RIMS2: variants seen among roughly 807,000 people sequenced by gnomAD.
RIMS2 encodes the protein regulating synaptic membrane exocytosis protein 2.
In RIMS2, 59 loss-of-function variants were observed where a neutral mutation model predicts 174.4. The observed-to-expected ratio is 0.34, with a 90% CI of 0.27 to 0.42. The LOEUF (loss-of-function observed/expected upper bound fraction) is 0.42, where lower values mean the gene tolerates loss of function less well. Ranked by LOEUF, RIMS2 falls within the 10% of genes least tolerant of loss-of-function variation. The pLI is 1.00. For missense variants in RIMS2, 1,620 were observed against 1,666.3 expected (o/e 0.97, Z 0.48); for synonymous variants, 606 against 572.5 (o/e 1.06, Z -0.84).
At chr8:103,708,104 G>A (rs1159636619) in intron 2 of RIMS2, among the ~76,000 whole-genome samples, 2 of 152,246 alleles carry the variant, frequency 1.3e-5, no homozygotes, top group Non-Finnish European at 2.9e-5. Context: ...ATGCTGGGTT[G>A]CACTTGGAGT....
At chr8:104,097,838 TGCCATTACTTTTAATG>T (rs1277766259) in intron 19 of RIMS2, among the ~76,000 whole-genome samples, 4 of 152,322 alleles carry the variant, frequency 2.6e-5, no homozygotes, top group African/African-American at 9.6e-5. Context: ...TTGCGGCTTT[TGCCATTACTTTTAATG>T]GCCATTACTT....
intron 1 of RIMS2, among the ~76,000 whole-genome samples, chr8:103,553,781 A>G (rs968090199): frequency 1.3e-5 from 2 of 152,168 alleles, no homozygotes; most frequent in African/African-American, 4.8e-5. Flanking sequence ...TGAAGGCATC[A>G]TGCTACCTGA....
intron 3 of RIMS2, among the ~76,000 whole-genome samples, chr8:103,875,550 G>T (rs868191318): frequency 1.3e-5 from 2 of 151,910 alleles, no homozygotes; most frequent in Non-Finnish European, 2.9e-5. Context: ...CTTTGCCATC[G>T]TAAATTGTAC....
At chr8:103,718,921 A>AT (rs1457627900) in intron 2 of RIMS2, among the ~76,000 whole-genome samples, 6 of 152,130 alleles carry the variant, frequency 3.9e-5, no homozygotes, top group African/African-American at 1.4e-4. Context: ...AAGTGCTGGG[A>AT]TTACAGGCAT....
At chr8:103,769,032 T>C (rs1406369208) in intron 3 of RIMS2, 6 of 307,786 alleles carry the variant, frequency 1.9e-5, no homozygotes. Context: ...AGAAATAAGA[T>C]TTTTTGAATA....
chr8:103,698,074 G>T (rs1045181117), intron 2 of RIMS2, among the ~76,000 whole-genome samples: 10 of 152,134 alleles, frequency 6.6e-5, no homozygotes, highest in Admixed American at 6.5e-4. Flanking sequence ...TAAATAGGAA[G>T]CTATTTTTTT....
chr8:103,771,439 G>C (rs1489231277), intron 3 of RIMS2, among the ~76,000 whole-genome samples: 1 of 152,106 alleles, frequency 6.6e-6, no homozygotes, highest in Non-Finnish European at 1.5e-5. Context: ...ATGTAGGAAA[G>C]TTTATTTGCA....
chr8:103,912,144 G>A, exon 6 of RIMS2: 3 of 1,606,936 alleles, frequency 1.9e-6, no homozygotes, highest in East Asian at 2.2e-5. Context: ...AGTGTACCTC[G>A]AGATTCAGGA....
chr8:103,923,431 T>A (rs552802420), intron 10 of RIMS2, among the ~76,000 whole-genome samples: 1 of 152,020 alleles, frequency 6.6e-6, no homozygotes, highest in African/African-American at 2.4e-5. Flanking sequence ...GAGGGGAGGA[T>A]GAGAAGCATA....
chr8:103,512,959 G>A (rs1827267071), intron 1 of RIMS2, among the ~76,000 whole-genome samples: 1 of 152,052 alleles, frequency 6.6e-6, no homozygotes, highest in Admixed American at 6.6e-5. Context: ...TTTTTTTGAA[G>A]GTTAGGTACA....
intron 17 of RIMS2, among the ~76,000 whole-genome samples, chr8:104,002,395 C>A (rs2095424064): frequency 6.6e-6 from 1 of 152,070 alleles, no homozygotes. Context: ...AAGTTCAAAC[C>A]TGGATTACTC....
intron 19 of RIMS2, among the ~76,000 whole-genome samples, chr8:104,231,478 G>GTA (rs1316731190): frequency 2.0e-5 from 3 of 151,730 alleles, no homozygotes; most frequent in Non-Finnish European, 4.4e-5. Flanking sequence ...CTTTACCACT[G>GTA]TATATATATC....
At position 103,742,132 on chromosome 8, in the gene RIMS2, G is replaced by A. The variant is rs913781976; in HGVS notation, c.388-24095G>A. Among the ~76,000 whole-genome samples, 5 of 152,050 alleles carry A rather than the reference G, an allele frequency of 3.3e-5. 1 individual carries two copies. Among genetic ancestry groups the A allele is most frequent in the Admixed American group, 2.6e-4 (4 of 15,260 alleles). On this transcript the variant is annotated intron_variant, in intron 2 of 23. Transcript: ENST00000504942. ...CTTTATGAATATGAATGCTTTCAAT[G>A]TAGGCTTTAAAGTATAAGTATTATC...
Position 104,013,992 on chromosome 8 carries a change from C to A in RIMS2, c.3224+371C>A, listed in dbSNP as rs974783190. ...AAATAAAACTAGATTTTTTAAGTTTCTTTCTATCGATACTAATATTATGTA... is the reference window on the plus strand; with the variant it reads ...AAATAAAACTAGATTTTTTAAGTTTATTTCTATCGATACTAATATTATGTA... On this transcript the variant is annotated intron_variant, in intron 18 of 23. Coordinates refer to ENST00000504942, the Ensembl canonical transcript of RIMS2. 1.7e-4 allele frequency among the ~76,000 whole-genome samples: 26 copies of A among 152,164 alleles called. 1 individual carries two copies. Among genetic ancestry groups the A allele is most frequent in the Admixed American group, 1.4e-3 (21 of 15,294 alleles).
chr8:104,019,720 C>T (rs1266119859), intron 19 of RIMS2, among the ~76,000 whole-genome samples: 1 of 152,116 alleles, frequency 6.6e-6, no homozygotes, highest in Admixed American at 6.5e-5. Context: ...TTCCATTTTC[C>T]TGCAATAATT....
At chr8:103,632,733 T>G (rs2095965259) in intron 1 of RIMS2, among the ~76,000 whole-genome samples, 1 of 107,012 alleles carries the variant, frequency 9.3e-6, no homozygotes, top group Non-Finnish European at 2.0e-5. Flanking sequence ...ATTTATTGAT[T>G]TTTTTTTTTT....
rs554459950 is a variant in RIMS2 at position 104,212,914 on chromosome 8, C to T, written c.3335-32002C>T. ...TGAGTATGGTGGGGGTGTGTTATAG[C>T]TCTCCGTCATACATGCTGTCCCCTC... On this transcript the variant is annotated intron_variant, in intron 19 of 23. Transcript: ENST00000504942. Among the ~76,000 whole-genome samples, 72 of 152,270 alleles carry T rather than the reference C, an allele frequency of 4.7e-4. 1 individual carries two copies. The South Asian group carries it at 0.012, about 26-fold the overall frequency.
chr8:104,135,320 G>C (rs1021175180), intron 19 of RIMS2, among the ~76,000 whole-genome samples: 2 of 152,130 alleles, frequency 1.3e-5, no homozygotes, highest in African/African-American at 4.8e-5. Flanking sequence ...ATATGGGCCA[G>C]GCATGGTGGT....
chr8:104,176,901 A>T (rs1252387185), intron 19 of RIMS2, among the ~76,000 whole-genome samples: 1 of 152,074 alleles, frequency 6.6e-6, no homozygotes, highest in Admixed American at 6.5e-5. Flanking sequence ...AGCCTTTCAA[A>T]ATAGTTGCTG....
Sources: allele counts gnomAD v4.1 joint callset (sites outside exome capture counted in the v4.1 genomes callset), GRCh38; gene constraint gnomAD v4.1.1; transcripts MANE v1.5; gene names NCBI Gene and HGNC (gene_info 2026-07-23, HGNC 2026-07-21).